Variants in OSBPL3 observed in about 807,000 individuals in gnomAD.
The protein encoded by OSBPL3 is oxysterol binding protein like 3.
In OSBPL3, 65 loss-of-function variants were observed where a neutral mutation model predicts 120.1. The ratio of observed to expected loss-of-function variants is 0.54; its 90% confidence interval spans 0.44 to 0.67. The LOEUF is 0.67. OSBPL3 is among the 30% of genes least tolerant of loss of function. The pLI, the probability that OSBPL3 is intolerant of heterozygous loss-of-function variation, is 0.00. For synonymous variants in OSBPL3, 416 were observed against 402.6 expected, an observed-to-expected ratio of 1.03 and a Z score of -0.40; for missense variants, 1,004 against 1,082.1, an observed-to-expected ratio of 0.93 and a Z score of 1.01.
chr7:24,911,470 A>T (rs1204727201), intron 1 of OSBPL3, among the ~76,000 whole-genome samples: 1 of 152,238 alleles, frequency 6.6e-6, no homozygotes, highest in Non-Finnish European at 1.5e-5. Context: ...AGAAATGTAA[A>T]CAGCCAGCTA....
At chr7:24,864,271 G>T (rs1309829293) in intron 7 of OSBPL3, among the ~76,000 whole-genome samples, 2 of 152,210 alleles carry the variant, frequency 1.3e-5, no homozygotes, top group Non-Finnish European at 2.9e-5. Context: ...TTCTGCTGAA[G>T]AATACAGGCC....
Position 24,953,920 on chromosome 7 carries a change from A to G in OSBPL3, c.-150+25966T>C, listed in dbSNP as rs1418551561. On this transcript the variant is annotated intron_variant, in intron 1 of 22. Coordinates refer to ENST00000313367, the MANE Select transcript of OSBPL3 (RefSeq NM_015550.4). The surrounding 1 kb of genome is among the most constrained non-coding windows in gnomAD (Gnocchi z 4.3). ...AATAATCCTTATGGTAATCATCACA[A>G]TGATGATCAACAGTCTGGAACACTT... Among the ~76,000 whole-genome samples, 1 of 152,212 alleles carries G rather than the reference A, an allele frequency of 6.6e-6. No homozygotes were observed. Among genetic ancestry groups the G allele is most frequent in the South Asian group, 2.1e-4 (1 of 4,830 alleles).
At chr7:24,868,348 T>C (rs1801641398) in intron 5 of OSBPL3, among the ~76,000 whole-genome samples, 1 of 138,942 alleles carries the variant, frequency 7.2e-6, no homozygotes, top group Non-Finnish European at 1.5e-5. Context: ...AGTGTGTGTG[T>C]GTGTGTGTGT....
intron 12 of OSBPL3, among the ~76,000 whole-genome samples, chr7:24,845,411 A>AAAAAAAAAAC (rs1798306571): frequency 1.4e-5 from 2 of 144,026 alleles, no homozygotes; most frequent in Non-Finnish European, 1.5e-5. Context: ...AAAAAAAAAA[A>AAAAAAAAAAC]AAAGAAAACC....
At chr7:24,971,190 G>A (rs1816981368) in intron 1 of OSBPL3, among the ~76,000 whole-genome samples, 1 of 152,262 alleles carries the variant, frequency 6.6e-6, no homozygotes, top group African/African-American at 2.4e-5. Flanking sequence ...CTCTAATCAA[G>A]GGCTTGGCAA....
At position 24,900,055 on chromosome 7, in the gene OSBPL3, G is replaced by T. The variant is rs1183319334; in HGVS notation, c.-149-7434C>A. On this transcript the variant is annotated intron_variant, in intron 1 of 22. Transcript: ENST00000313367. This position sits in a 1 kb window ranked among gnomAD's most constrained non-coding sequence, Gnocchi z 4.5. Reference sequence around the variant, plus strand: ...GAAGCTAAAACCCTCTTTTATTATCGTAGTCCTGTGGTTTTTAAAGAGGGG... The same window carrying T: ...GAAGCTAAAACCCTCTTTTATTATCTTAGTCCTGTGGTTTTTAAAGAGGGG... Among the ~76,000 whole-genome samples, 1 of 152,150 alleles carries T rather than the reference G, an allele frequency of 6.6e-6. No homozygotes were observed. Among genetic ancestry groups the T allele is most frequent in the African/African-American group, 2.4e-5 (1 of 41,418 alleles).
intron 19 of OSBPL3, among the ~76,000 whole-genome samples, chr7:24,811,434 T>C (rs146200079): frequency 1.3e-5 from 2 of 152,388 alleles, no homozygotes; most frequent in East Asian, 1.9e-4. Context: ...ATGTATAGTT[T>C]ACAAATATTT....
At chr7:24,856,259 T>C (rs1261025583) in intron 10 of OSBPL3, among the ~76,000 whole-genome samples, 1 of 152,106 alleles carries the variant, frequency 6.6e-6, no homozygotes, top group Non-Finnish European at 1.5e-5. Context: ...GAATGGAACA[T>C]CATAAGCGTC....
chr7:24,839,547 T>G (rs1797433938), intron 14 of OSBPL3, among the ~76,000 whole-genome samples: 1 of 152,208 alleles, frequency 6.6e-6, no homozygotes, highest in East Asian at 1.9e-4. Flanking sequence ...AAATGTGTTG[T>G]TTTGAAGACT....
chr7:24,862,044 G>A lies in OSBPL3; in HGVS notation c.871-275C>T, dbSNP rs192988178. Among the ~76,000 whole-genome samples, 1,813 of 152,026 alleles carry A rather than the reference G, an allele frequency of 0.012. 36 individuals are homozygous for A. Among genetic ancestry groups the A allele is most frequent in the African/African-American group, 0.042 (1,731 of 41,456 alleles). On this transcript the variant is annotated intron_variant, in intron 9 of 22. Transcript: ENST00000313367. The surrounding 1 kb of genome is among the most constrained non-coding windows in gnomAD (Gnocchi z 4.4). ...TGGGACTACAGGCGCCCGCCACCAC[G>A]CCCGGCTAATTTTTTGTATTTTTAG...
chr7:24,942,848 A>C (rs1252616523), intron 1 of OSBPL3, among the ~76,000 whole-genome samples: 2 of 152,226 alleles, frequency 1.3e-5, no homozygotes, highest in Non-Finnish European at 2.9e-5. Context: ...GGACAGGGCA[A>C]ACTTTGCCAT....
chr7:24,946,786 G>A lies in OSBPL3; in HGVS notation c.-150+33100C>T, dbSNP rs1461484100. Among the ~76,000 whole-genome samples, 1 of 152,090 alleles carries A rather than the reference G, an allele frequency of 6.6e-6. No individual in the cohort carries two copies. The highest frequency in any genetic ancestry group is 1.5e-5 in the Non-Finnish European group (1 of 68,022). On this transcript the variant is annotated intron_variant, in intron 1 of 22. Coordinates refer to ENST00000313367, the MANE Select transcript of OSBPL3 (RefSeq NM_015550.4). This position sits in a 1 kb window ranked among gnomAD's most constrained non-coding sequence, Gnocchi z 4.3. The stretch of plus-strand genomic sequence containing the variant: ...TTTTTATCATATGCTTTGGATTCAT[G>A]AGCTGAAGTAGCAGGGATGTGTGGG...
Position 24,965,988 on chromosome 7 carries a change from C to A in OSBPL3, c.-150+13898G>T, listed in dbSNP as rs1012763824. ...CCTGTCCAGCCAGAATGTTGTCTTGCCCTTGTTTCCTCCAAACCCCCTTCA... is the reference window on the plus strand; with the variant it reads ...CCTGTCCAGCCAGAATGTTGTCTTGACCTTGTTTCCTCCAAACCCCCTTCA... On this transcript the variant is annotated intron_variant, in intron 1 of 22. Transcript: ENST00000313367. This position sits in a 1 kb window ranked among gnomAD's most constrained non-coding sequence, Gnocchi z 4.3. 9.9e-5 allele frequency among the ~76,000 whole-genome samples: 15 copies of A among 152,168 alleles called. No homozygotes were observed. Among genetic ancestry groups the A allele is most frequent in the Non-Finnish European group, 2.1e-4 (14 of 68,036 alleles).
In OSBPL3 at chr7:24,867,619, T is replaced by C. The variant is rs1042354911; in HGVS notation, c.382-1382A>G. ...CACAGATGATGTCACTTGCTCCTAT[T>C]TGCCTTCTGCCATGACTGTGAGACC... On this transcript the variant is annotated intron_variant, in intron 5 of 22. Transcript: ENST00000313367. The surrounding 1 kb of genome is among the most constrained non-coding windows in gnomAD (Gnocchi z 4.5). Among the ~76,000 whole-genome samples the C allele has an allele frequency of 2.0e-5, 3 of 152,194 alleles. No individual in the cohort carries two copies. The highest frequency in any genetic ancestry group is 7.2e-5 in the African/African-American group (3 of 41,452).
At position 24,852,459 on chromosome 7, in the gene OSBPL3, C is replaced by G. The variant is rs200891457; in HGVS notation, c.1158+45G>C. Reference sequence around the variant, plus strand: ...ATAGAAATTACAAACCATTCATGAGCCTGGACACATCTCAGGCATTCCTGG... The same window carrying G: ...ATAGAAATTACAAACCATTCATGAGGCTGGACACATCTCAGGCATTCCTGG... On this transcript the variant is annotated intron_variant, in intron 11 of 22. Coordinates refer to ENST00000313367, the MANE Select transcript of OSBPL3 (RefSeq NM_015550.4). This position sits in a 1 kb window ranked among gnomAD's most constrained non-coding sequence, Gnocchi z 4.1. 2 of 1,490,756 alleles carry G rather than the reference C, an allele frequency of 1.3e-6. No homozygotes were observed. The highest frequency in any genetic ancestry group is 1.8e-6 in the Non-Finnish European group (2 of 1,121,622). The allele number at this position is 1,490,756 out of a possible 1,614,324, so 92.3% of individuals were successfully genotyped here. A position where few individuals can be genotyped will look rare whatever the true frequency, so the allele number is the denominator to read the frequency against.
Position 24,955,742 on chromosome 7 carries a change from C to G in OSBPL3, c.-150+24144G>C, listed in dbSNP as rs1401730237. 6.6e-6 allele frequency among the ~76,000 whole-genome samples: 1 copy of G among 152,228 alleles called. No individual in the cohort carries two copies. The highest frequency in any genetic ancestry group is 1.5e-5 in the Non-Finnish European group (1 of 68,032). On this transcript the variant is annotated intron_variant, in intron 1 of 22. Coordinates refer to ENST00000313367, the MANE Select transcript of OSBPL3 (RefSeq NM_015550.4). The surrounding 1 kb of genome is among the most constrained non-coding windows in gnomAD (Gnocchi z 4.3). ...CATATTTATTTGCTTATAATGCAAA[C>G]TCCATGAGGGCAGGGACTTTGTTTG...
intron 1 of OSBPL3, among the ~76,000 whole-genome samples, chr7:24,920,930 G>C (rs1810307946): frequency 6.6e-6 from 1 of 152,124 alleles, no homozygotes; most frequent in Non-Finnish European, 1.5e-5. Context: ...AGTCATCCTA[G>C]AACTCACTTG....
chr7:24,942,605 G>C (rs1813233426), intron 1 of OSBPL3, among the ~76,000 whole-genome samples: 1 of 152,132 alleles, frequency 6.6e-6, no homozygotes, highest in African/African-American at 2.4e-5. Flanking sequence ...TGTTTCTATG[G>C]TGATGGCCAT....
At chr7:24,809,596 C>T (rs1019803268) in intron 20 of OSBPL3, among the ~76,000 whole-genome samples, 2 of 152,094 alleles carry the variant, frequency 1.3e-5, no homozygotes, top group African/African-American at 2.4e-5. Context: ...GAACCCGGGA[C>T]CCAGCAGCCC....
Sources: allele counts gnomAD v4.1 joint callset (sites outside exome capture counted in the v4.1 genomes callset), GRCh38; gene constraint gnomAD v4.1.1; non-coding constraint Gnocchi (gnomAD v3.1); transcripts MANE v1.5; gene names NCBI Gene and HGNC (gene_info 2026-07-23, HGNC 2026-07-21).